The following CDKN2B-AS1 variants were observed in gnomAD, a reference collection of about 807,000 sequenced individuals.
The protein encoded by CDKN2B-AS1 is CDKN2B and CDKN2A antisense cis and trans regulatory RNA 1.
At position 21,997,480 on chromosome 9, in the gene CDKN2B-AS1, G is replaced by GA. The variant is rs1820739043; in HGVS notation, n.29+2319_29+2320insA. ...ATGTGGGGGAGAGAAAGAGAGGGAGGGAGAGAGAGAGAGAGAGAGAGAGAA... is the reference window on the plus strand; with the variant it reads ...ATGTGGGGGAGAGAAAGAGAGGGAGGAGAGAGAGAGAGAGAGAGAGAGAGAA... On this transcript the variant is annotated intron_variant and non_coding_transcript_variant, in intron 1 of 4. Transcript: ENST00000650946. The surrounding 1 kb of genome is among the most constrained non-coding windows in gnomAD (Gnocchi z 4.8). Among the ~76,000 whole-genome samples, 1 of 146,036 alleles carries GA rather than the reference G, an allele frequency of 6.8e-6. No homozygotes were observed. The highest frequency in any genetic ancestry group is 6.9e-5 in the Admixed American group (1 of 14,534).
At chr9:22,073,241 T>A (rs1233313702) in intron 4 of CDKN2B-AS1, among the ~76,000 whole-genome samples, 1 of 152,206 alleles carries the variant, frequency 6.6e-6, no homozygotes, top group Non-Finnish European at 1.5e-5. Context: ...ATTGTCAATA[T>A]TTTTCCTACC....
At chr9:22,040,088 C>T (rs1014941822) in intron 1 of CDKN2B-AS1, among the ~76,000 whole-genome samples, 6 of 151,996 alleles carry the variant, frequency 3.9e-5, no homozygotes, top group Admixed American at 6.6e-5. Flanking sequence ...GATGGCCCAG[C>T]CAACTGCTAA....
intron 1 of CDKN2B-AS1, among the ~76,000 whole-genome samples, chr9:22,012,763 C>T (rs1821568851): frequency 6.6e-6 from 1 of 150,700 alleles, no homozygotes; most frequent in South Asian, 2.1e-4. Context: ...TTCATAATCA[C>T]TTTTGGGGCT....
rs778016656 is a variant in CDKN2B-AS1, at chr9:22,006,015, C to T, written n.29+10854C>T. On this transcript the variant is annotated intron_variant and non_coding_transcript_variant, in intron 1 of 4. Transcript: ENST00000650946. The surrounding 1 kb of genome is among the most constrained non-coding windows in gnomAD (Gnocchi z 6.4). ...GTCCCCCGTGGCTGTGCGCAGGTACCCTGCAACGTCGCGGTGGCCCCGCTC... is the reference window on the plus strand; with the variant it reads ...GTCCCCCGTGGCTGTGCGCAGGTACTCTGCAACGTCGCGGTGGCCCCGCTC... 5.0e-6 allele frequency: 8 copies of T among 1,603,396 alleles called. No individual in the cohort carries two copies. The highest frequency in any genetic ancestry group is 5.9e-6 in the Non-Finnish European group (7 of 1,179,672).
chr9:22,089,297 A>T (rs1263498104), intron 4 of CDKN2B-AS1, among the ~76,000 whole-genome samples: 1 of 152,230 alleles, frequency 6.6e-6, no homozygotes, highest in Non-Finnish European at 1.5e-5. Context: ...TGAAGACAAA[A>T]TCTTGAATTG....
intron 4 of CDKN2B-AS1, among the ~76,000 whole-genome samples, chr9:22,084,202 G>T (rs1824791130): frequency 6.6e-6 from 1 of 152,118 alleles, no homozygotes; most frequent in Non-Finnish European, 1.5e-5. Flanking sequence ...TCAAATAATT[G>T]AGCCAGAATT....
chr9:22,023,143 C>G (rs1258925558), intron 1 of CDKN2B-AS1, among the ~76,000 whole-genome samples: 2 of 152,072 alleles, frequency 1.3e-5, no homozygotes, highest in Non-Finnish European at 1.5e-5. Flanking sequence ...GGGTTCTCTG[C>G]ATTTCCTGAA....
intron 1 of CDKN2B-AS1, chr9:22,030,468 C>T (rs1822422138): frequency 6.6e-6 from 1 of 151,928 alleles, no homozygotes. Flanking sequence ...CTTTGTTTGC[C>T]CTGGTGTTGA....
At chr9:22,127,961 C>A (rs541893774) in exon 5 of CDKN2B-AS1, among the ~76,000 whole-genome samples, 2 of 152,276 alleles carry the variant, frequency 1.3e-5, no homozygotes, top group East Asian at 3.9e-4. Context: ...GATGCTACAA[C>A]TGGTAAGCCC....
chr9:22,096,795 G>T (rs1283349015), intron 4 of CDKN2B-AS1, among the ~76,000 whole-genome samples: 1 of 152,014 alleles, frequency 6.6e-6, no homozygotes, highest in African/African-American at 2.4e-5. Flanking sequence ...AGCCTGTTTT[G>T]TTCCCTCTCC....
intron 4 of CDKN2B-AS1, among the ~76,000 whole-genome samples, chr9:22,070,471 T>C (rs1029590885): frequency 2.6e-5 from 4 of 152,166 alleles, no homozygotes; most frequent in African/African-American, 4.8e-5. Flanking sequence ...CTAAGTACAA[T>C]TGAGTGGTCA....
chr9:22,032,918 G>T (rs1274676100), intron 1 of CDKN2B-AS1: 2 of 151,882 alleles, frequency 1.3e-5, no homozygotes, highest in Non-Finnish European at 2.9e-5. Context: ...CTCATGCCCA[G>T]TGTTTTTAAT....
chr9:22,103,650 A>G lies in CDKN2B-AS1; in HGVS notation n.439-23453A>G, dbSNP rs528065175. ...TAATTAAATTTATAAGATTAAAGTT[A>G]TAAAAAGCATAGAGCCTATAATAAT... On this transcript the variant is annotated intron_variant and non_coding_transcript_variant, in intron 4 of 4. Coordinates refer to ENST00000650946, the Ensembl canonical transcript of CDKN2B-AS1. 1.1e-4 allele frequency among the ~76,000 whole-genome samples: 17 copies of G among 152,378 alleles called. No individual in the cohort carries two copies. The South Asian group carries it at 2.9e-3, about 26-fold the overall frequency.
At chr9:22,013,963 A>G (rs950771487) in intron 1 of CDKN2B-AS1, among the ~76,000 whole-genome samples, 1 of 152,004 alleles carries the variant, frequency 6.6e-6, no homozygotes, top group African/African-American at 2.4e-5. Flanking sequence ...TTCAGGTTTG[A>G]TATTTGGGCA....
chr9:22,000,650 G>T lies in CDKN2B-AS1; in HGVS notation n.29+5489G>T, dbSNP rs1335224128. On this transcript the variant is annotated intron_variant and non_coding_transcript_variant, in intron 1 of 4. Transcript: ENST00000650946. The surrounding 1 kb of genome is among the most constrained non-coding windows in gnomAD (Gnocchi z 4.1). ...CAGTCACCCTCTAGAAGAAAACTCT[G>T]TGTTGACAATAATCTGCTGACTTGT... Among the ~76,000 whole-genome samples the T allele has an allele frequency of 6.6e-6, 1 of 152,254 alleles. No homozygotes were observed. Among genetic ancestry groups the T allele is most frequent in the South Asian group, 2.1e-4 (1 of 4,824 alleles).
intron 1 of CDKN2B-AS1, among the ~76,000 whole-genome samples, chr9:22,027,552 C>T (rs598664): frequency 0.91 from 138,280 of 152,240 alleles, 62,806 homozygotes; most frequent in East Asian, 0.98. Context: ...AAAAAACATC[C>T]AAAAATAATG....
intron 1 of CDKN2B-AS1, among the ~76,000 whole-genome samples, chr9:22,013,491 G>T (rs1435779124): frequency 6.6e-6 from 1 of 151,374 alleles, no homozygotes; most frequent in Non-Finnish European, 1.5e-5. Context: ...TCACCTTGTC[G>T]ACCAGGCTGG....
chr9:22,107,683 A>G (rs780165325), intron 4 of CDKN2B-AS1, among the ~76,000 whole-genome samples: 9 of 152,284 alleles, frequency 5.9e-5, no homozygotes, highest in Non-Finnish European at 1.2e-4. Flanking sequence ...GCAACCATAC[A>G]TACAATTTTC....
chr9:22,011,680 A>T (rs1821515689), intron 1 of CDKN2B-AS1, among the ~76,000 whole-genome samples: 1 of 152,232 alleles, frequency 6.6e-6, no homozygotes, highest in Non-Finnish European at 1.5e-5. Context: ...ACCTCACAGC[A>T]CACCCTTACC....
Sources: gnomAD v4.1 joint callset for allele counts (sites outside exome capture counted in the v4.1 genomes callset) on GRCh38, gnomAD v4.1.1 for gene constraint, Gnocchi (gnomAD v3.1) non-coding constraint, MANE v1.5 for transcripts, NCBI Gene and HGNC (gene_info 2026-07-23, HGNC 2026-07-21) for gene names.